Variants in HTT observed in about 807,000 individuals in gnomAD.
The protein encoded by HTT is huntingtin.
A neutral mutation model predicts 362.3 loss-of-function variants in HTT; 104 were observed. The observed-to-expected ratio is 0.29, with a 90% CI of 0.24 to 0.34. The LOEUF (loss-of-function observed/expected upper bound fraction) is 0.34. Ranked by LOEUF, HTT falls within the 10% of genes least tolerant of loss-of-function variation. The probability of loss-of-function intolerance (pLI) is 1.00; values close to 1 mark genes in which losing one functional copy is unlikely to be tolerated. For missense variants in HTT, 3,301 were observed against 3,928.6 expected, an observed-to-expected ratio of 0.84 and a Z score of 4.27; for synonymous variants, 1,577 against 1,548.7, an observed-to-expected ratio of 1.02 and a Z score of -0.43.
intron 29 of HTT, among the ~76,000 whole-genome samples, chr4:3,163,373 T>C (rs1006898401): frequency 2.0e-5 from 3 of 152,254 alleles, no homozygotes; most frequent in African/African-American, 7.2e-5. Flanking sequence ...TCAGGGATAT[T>C]GGCCTAAAAT....
intron 8 of HTT, 31 bp downstream of exon 8, chr4:3,116,294 C>T (rs940151618): frequency 1.3e-6 from 2 of 1,541,538 alleles, no homozygotes; most frequent in African/African-American, 1.4e-5. Context: ...CTAGGCCCTG[C>T]ATGTGAATGA....
chr4:3,168,250 C>A (rs1717806203), intron 29 of HTT, among the ~76,000 whole-genome samples: 1 of 152,220 alleles, frequency 6.6e-6, no homozygotes, highest in African/African-American at 2.4e-5. Context: ...TATCTGTGAC[C>A]TTGCTTAGGT....
intron 40 of HTT, among the ~76,000 whole-genome samples, chr4:3,196,193 G>A (rs958852655): frequency 6.6e-6 from 1 of 152,174 alleles, no homozygotes; most frequent in African/African-American, 2.4e-5. Context: ...CCCAGCAGGT[G>A]TCTGCCTTGC....
intron 37 of HTT, among the ~76,000 whole-genome samples, 171 bp downstream of exon 37, chr4:3,182,641 T>G (rs1718580284): frequency 1.3e-5 from 2 of 152,148 alleles, no homozygotes; most frequent in Non-Finnish European, 2.9e-5. Flanking sequence ...CAATGCCATC[T>G]CAGGTTGGTA....
intron 64 of HTT, among the ~76,000 whole-genome samples, chr4:3,237,075 T>C (rs1560608295): frequency 1.3e-5 from 2 of 152,134 alleles, no homozygotes; most frequent in African/African-American, 2.4e-5. Context: ...TTGATTTTTT[T>C]TTTTCTTTTC....
intron 46 of HTT, among the ~76,000 whole-genome samples, chr4:3,209,536 G>T (rs1279477070): frequency 6.6e-6 from 1 of 152,236 alleles, no homozygotes. Context: ...GACAACCCAG[G>T]AGAGGATGGC....
chr4:3,232,744 C>A (rs527992452), intron 60 of HTT, among the ~76,000 whole-genome samples: 1 of 152,364 alleles, frequency 6.6e-6, no homozygotes, highest in Admixed American at 6.5e-5. Flanking sequence ...TCGTGCAGGA[C>A]GCACTTAACT....
At chr4:3,170,424 A>T (rs898912025) in intron 29 of HTT, among the ~76,000 whole-genome samples, 1 of 152,312 alleles carries the variant, frequency 6.6e-6, no homozygotes, top group African/African-American at 2.4e-5. Context: ...TGCTGAGAAC[A>T]GTGACTTTCT....
chr4:3,104,895 C>A (rs1272493126), intron 4 of HTT, among the ~76,000 whole-genome samples: 1 of 152,096 alleles, frequency 6.6e-6, no homozygotes, highest in East Asian at 1.9e-4. Context: ...CCAAGTGAGA[C>A]CCTGTCTCAA....
At position 3,074,709 on chromosome 4, in the gene HTT, C is replaced by A; in HGVS notation, c.-117C>A. The A allele has an allele frequency of 9.0e-7, 1 of 1,110,122 alleles. No homozygotes were observed. The highest frequency in any genetic ancestry group is 1.7e-5 in the South Asian group (1 of 58,048). 68.8% of individuals were successfully genotyped at this position (1,110,122 alleles called of 1,614,324 possible). A position where few individuals can be genotyped will look rare whatever the true frequency, so the allele number is the denominator to read the frequency against. ...GCCGGGACGGGTCCAAGATGGACGG[C>A]CGCTCAGGTTCTGCTTTTACCTGCG... On this transcript the variant is annotated 5_prime_UTR_variant, in exon 1 of 67. Coordinates refer to ENST00000355072, the MANE Select transcript of HTT (RefSeq NM_001388492.1).
intron 6 of HTT, among the ~76,000 whole-genome samples, chr4:3,111,437 G>A (rs367993495): frequency 2.1e-4 from 32 of 152,184 alleles, no homozygotes; most frequent in African/African-American, 7.0e-4. Flanking sequence ...CAGGTGATCC[G>A]CCTGCCTTGG....
intron 40 of HTT, 88 bp from the exon 41 acceptor site, chr4:3,199,644 G>A (rs1183965419): frequency 8.3e-7 from 1 of 1,201,012 alleles, no homozygotes; most frequent in Non-Finnish European, 1.2e-6. Flanking sequence ...GACTCAGCCT[G>A]TTTCATTTTT....
In HTT at chr4:3,199,957, C is replaced by T. The variant is rs780070250; in HGVS notation, c.5576+18C>T. On this transcript the variant is annotated intron_variant, in intron 41 of 66. Coordinates refer to ENST00000355072, the MANE Select transcript of HTT (RefSeq NM_001388492.1). ...ACCCCGAAGTAGGTTCATAATGCCC[C>T]ACAGCCCAGGGCGCCAGCCCAGCAC... 2.5e-5 allele frequency: 40 copies of T among 1,600,140 alleles called. 1 individual carries two copies. The Admixed American group carries it at 6.9e-4, about 27-fold the overall frequency.
chr4:3,138,542 C>T (rs950302191), intron 21 of HTT, among the ~76,000 whole-genome samples: 1 of 152,170 alleles, frequency 6.6e-6, no homozygotes, highest in Non-Finnish European at 1.5e-5. Flanking sequence ...TGATTCTTCT[C>T]ACCAGTACAA....
At position 3,130,436 on chromosome 4, in the gene HTT, G is replaced by A. The variant is rs2110187633; in HGVS notation, c.1986+13G>A. 1.1e-5 allele frequency: 15 copies of A among 1,391,130 alleles called. No homozygotes were observed. Among genetic ancestry groups the A allele is most frequent in the Non-Finnish European group, 1.5e-5 (15 of 992,080 alleles). The allele number at this position is 1,391,130 out of a possible 1,614,324, so 86.2% of individuals were successfully genotyped here. Reference sequence around the variant, plus strand: ...TCAAGAAAACAAGGTGAGGGACATAGGCTTGAGACGACTTGGTGTTTCTGA... The same window carrying A: ...TCAAGAAAACAAGGTGAGGGACATAAGCTTGAGACGACTTGGTGTTTCTGA... On this transcript the variant is annotated intron_variant, in intron 14 of 66. Transcript: ENST00000355072.
At chr4:3,118,969 C>T (rs1234856002) in intron 8 of HTT, among the ~76,000 whole-genome samples, 2 of 152,202 alleles carry the variant, frequency 1.3e-5, no homozygotes, top group East Asian at 3.9e-4. Flanking sequence ...TAATATAATC[C>T]TAGGCCTGGC....
At position 3,228,028 on chromosome 4, in the gene HTT, A is replaced by G. The variant is rs1721002480; in HGVS notation, c.7849-587A>G. ...CAGGGGGGAAATGGCCCTTGGTGCC[A>G]AGAACGTGAGTTGGGGCTAGTGCCA... On this transcript the variant is annotated intron_variant, in intron 57 of 66. Coordinates refer to ENST00000355072, the MANE Select transcript of HTT (RefSeq NM_001388492.1). This position sits in a 1 kb window ranked among gnomAD's most constrained non-coding sequence, Gnocchi z 4.3. Among the ~76,000 whole-genome samples, 4 of 152,182 alleles carry G rather than the reference A, an allele frequency of 2.6e-5. No homozygotes were observed. The highest frequency in any genetic ancestry group is 2.0e-4 in the Admixed American group (3 of 15,286).
At chr4:3,089,036 C>T (rs1354845390) in intron 2 of HTT, among the ~76,000 whole-genome samples, 1 of 152,178 alleles carries the variant, frequency 6.6e-6, no homozygotes, top group Non-Finnish European at 1.5e-5. Flanking sequence ...AATTCTATCT[C>T]TGCTACCTGT....
At chr4:3,145,559 G>A (rs1716558726) in intron 24 of HTT, among the ~76,000 whole-genome samples, 1 of 152,166 alleles carries the variant, frequency 6.6e-6, no homozygotes, top group Admixed American at 6.5e-5. Flanking sequence ...TAGAAGTTTA[G>A]GAACCTTTTT....
Sources: allele counts gnomAD v4.1 joint callset (sites outside exome capture counted in the v4.1 genomes callset), GRCh38; gene constraint gnomAD v4.1.1; non-coding constraint Gnocchi (gnomAD v3.1); transcripts MANE v1.5; gene names NCBI Gene and HGNC (gene_info 2026-07-23, HGNC 2026-07-21).